Variants in SLC14A2 observed in about 807,000 individuals in gnomAD.
The protein encoded by SLC14A2 is solute carrier family 14 member 2, also known as urea transporter 2.
A neutral mutation model predicts 104.6 loss-of-function variants in SLC14A2; 91 were observed. The observed-to-expected ratio is 0.87, with a 90% CI of 0.73 to 1.04. The LOEUF (loss-of-function observed/expected upper bound fraction) is 1.04. SLC14A2 is among the 50% of genes least tolerant of loss of function. The pLI, the probability that SLC14A2 is intolerant of heterozygous loss-of-function variation, is 0.00. For synonymous variants in SLC14A2, 476 were observed against 466.4 expected (o/e 1.02, Z -0.27); for missense variants, 1,189 against 1,156.0 (o/e 1.03, Z -0.41).
At chr18:45,283,243 T>C (rs1276942027) in intron 1 of SLC14A2, among the ~76,000 whole-genome samples, 2 of 148,498 alleles carry the variant, frequency 1.3e-5, no homozygotes, top group African/African-American at 5.0e-5. Flanking sequence ...GTCTCCTAAT[T>C]GATAAAAGTG....
intron 2 of SLC14A2, among the ~76,000 whole-genome samples, chr18:45,531,644 G>C (rs2043690155): frequency 1.3e-5 from 2 of 152,172 alleles, no homozygotes; most frequent in Non-Finnish European, 2.9e-5. Context: ...CTCCCATTCT[G>C]TAGGTTGCCT....
chr18:45,516,088 G>A (rs186752351), intron 2 of SLC14A2, among the ~76,000 whole-genome samples: 1 of 152,276 alleles, frequency 6.6e-6, no homozygotes, highest in African/African-American at 2.4e-5. Context: ...ACTTTTAACT[G>A]GAGAGGAGCT....
At chr18:45,607,269 A>G (rs1284939216) in intron 2 of SLC14A2, among the ~76,000 whole-genome samples, 1 of 152,178 alleles carries the variant, frequency 6.6e-6, no homozygotes, top group Non-Finnish European at 1.5e-5. Flanking sequence ...TTTATGCCCC[A>G]TAAGACTCAA....
At chr18:45,218,831 C>T (rs1248844768) in intron 1 of SLC14A2, among the ~76,000 whole-genome samples, 1 of 151,510 alleles carries the variant, frequency 6.6e-6, no homozygotes, top group Non-Finnish European at 1.5e-5. Flanking sequence ...GTGTAGCTTT[C>T]AGTAGCACCC....
At chr18:45,665,290 G>C (rs1465429960) in intron 11 of SLC14A2, among the ~76,000 whole-genome samples, 1 of 152,132 alleles carries the variant, frequency 6.6e-6, no homozygotes, top group Non-Finnish European at 1.5e-5. Context: ...TCTCACACTT[G>C]ACCACAGGAG....
intron 1 of SLC14A2, among the ~76,000 whole-genome samples, chr18:45,262,751 A>G (rs1228408155): frequency 6.6e-6 from 1 of 152,096 alleles, no homozygotes; most frequent in East Asian, 1.9e-4. Flanking sequence ...CCTTCATTCG[A>G]CAACATTAAT....
At chr18:45,315,134 A>C (rs1015628597) in intron 1 of SLC14A2, among the ~76,000 whole-genome samples, 1 of 152,192 alleles carries the variant, frequency 6.6e-6, no homozygotes, top group Non-Finnish European at 1.5e-5. Flanking sequence ...CACTGCAGGT[A>C]GGAGTCATCA....
chr18:45,294,389 G>A (rs2084900443), intron 1 of SLC14A2, among the ~76,000 whole-genome samples: 1 of 152,036 alleles, frequency 6.6e-6, no homozygotes, highest in Non-Finnish European at 1.5e-5. Context: ...GTCAATTTAA[G>A]GTGTGAATAT....
At chr18:45,189,782 A>G in the SLC14A2 span, among the ~76,000 whole-genome samples, 1 of 152,210 alleles carries the variant, frequency 6.6e-6, no homozygotes, top group African/African-American at 2.4e-5. Flanking sequence ...GGGGGAGTTT[A>G]GGACCTTTGC....
chr18:45,679,870 C>T (rs191716255), intron 19 of SLC14A2, among the ~76,000 whole-genome samples: 2 of 152,334 alleles, frequency 1.3e-5, no homozygotes, highest in African/African-American at 4.8e-5. Context: ...GTGCACACCT[C>T]GGCTAAATAC....
At chr18:45,264,769 A>G (rs2084575201) in intron 1 of SLC14A2, among the ~76,000 whole-genome samples, 1 of 152,218 alleles carries the variant, frequency 6.6e-6, no homozygotes, top group African/African-American at 2.4e-5. Flanking sequence ...GGTCCGTCCC[A>G]TAACACATGA....
At chr18:45,374,845 C>CA (rs1302540401) in intron 1 of SLC14A2, among the ~76,000 whole-genome samples, 2 of 152,142 alleles carry the variant, frequency 1.3e-5, no homozygotes, top group African/African-American at 4.8e-5. Context: ...TTAGGGAACT[C>CA]AAACAAAAAG....
intron 1 of SLC14A2, among the ~76,000 whole-genome samples, chr18:45,263,273 T>C (rs952550356): frequency 6.6e-6 from 1 of 152,178 alleles, no homozygotes. Context: ...TGGATTGTGG[T>C]TATGCATTTT....
intron 2 of SLC14A2, among the ~76,000 whole-genome samples, chr18:45,540,659 C>T (rs2043871480): frequency 6.6e-6 from 1 of 152,058 alleles, no homozygotes; most frequent in Non-Finnish European, 1.5e-5. Context: ...GCAGGAGAAT[C>T]GCTTGAATCT....
intron 1 of SLC14A2, among the ~76,000 whole-genome samples, chr18:45,436,245 C>T (rs1400724980): frequency 1.3e-5 from 2 of 152,316 alleles, no homozygotes; most frequent in South Asian, 4.1e-4. Context: ...AGGTTAGAGG[C>T]AATCAGGTCA....
chr18:45,212,501 A>G (rs1478134670), upstream of SLC14A2, among the ~76,000 whole-genome samples: 1 of 152,176 alleles, frequency 6.6e-6, no homozygotes, highest in African/African-American at 2.4e-5. Flanking sequence ...AAAGCACATG[A>G]AAAGGTCTGG....
the SLC14A2 span, among the ~76,000 whole-genome samples, chr18:45,187,276 C>T: frequency 6.6e-6 from 1 of 151,972 alleles, no homozygotes; most frequent in Admixed American, 6.6e-5. Context: ...AGACAGACAA[C>T]CTCAAAAGTT....
chr18:45,339,208 C>T (rs1207862254), intron 1 of SLC14A2, among the ~76,000 whole-genome samples: 1 of 152,174 alleles, frequency 6.6e-6, no homozygotes. Context: ...AGGTGATCTG[C>T]CCACCTCTGC....
chr18:45,188,704 T>C, the SLC14A2 span, among the ~76,000 whole-genome samples: 1 of 152,176 alleles, frequency 6.6e-6, no homozygotes, highest in Non-Finnish European at 1.5e-5. Context: ...GCCTTGTCCC[T>C]CCCAGACTTG....
Sources: allele counts gnomAD v4.1 joint callset (sites outside exome capture counted in the v4.1 genomes callset), GRCh38; gene constraint gnomAD v4.1.1; transcripts MANE v1.5; gene names NCBI Gene and HGNC (gene_info 2026-07-23, HGNC 2026-07-21).